ROBO2: variants seen among roughly 807,000 people sequenced by gnomAD.
ROBO2 encodes the protein roundabout guidance receptor 2, also known as roundabout homolog 2.
ROBO2 carries 53 observed loss-of-function variants against 160.8 expected under a neutral mutation model. That is an observed-to-expected ratio of 0.33 (90% CI 0.26 to 0.41). The LOEUF (loss-of-function observed/expected upper bound fraction) is 0.41, where lower values mean the gene tolerates loss of function less well. ROBO2 is among the 10% of genes least tolerant of loss of function. The pLI is 1.00. For synonymous variants in ROBO2, 664 were observed against 611.7 expected (o/e 1.09, Z -1.26); for missense variants, 1,577 against 1,722.4 (o/e 0.92, Z 1.49).
intron 2 of ROBO2, among the ~76,000 whole-genome samples, chr3:76,747,688 A>G (rs888370867): frequency 5.3e-5 from 8 of 152,086 alleles, no homozygotes; most frequent in Admixed American, 5.2e-4. Context: ...TAATTTTACT[A>G]TTAATGAGCT....
At chr3:76,079,083 A>G (rs1371653115) in intron 2 of ROBO2, among the ~76,000 whole-genome samples, 1 of 152,204 alleles carries the variant, frequency 6.6e-6, no homozygotes, top group Non-Finnish European at 1.5e-5. Flanking sequence ...TTTCACTCAT[A>G]TGTGGGAGCT....
At chr3:76,438,669 A>G (rs79704530) in intron 2 of ROBO2, among the ~76,000 whole-genome samples, 119 of 152,158 alleles carry the variant, frequency 7.8e-4, no homozygotes, top group African/African-American at 2.7e-3. Context: ...GTGTAATTAT[A>G]CTTGTAATTA....
chr3:76,631,637 A>T (rs958807462), intron 2 of ROBO2, among the ~76,000 whole-genome samples: 1 of 99,224 alleles, frequency 1.0e-5, no homozygotes, highest in African/African-American at 3.9e-5. Flanking sequence ...CATATTTTAA[A>T]AAGAAAATGG....
At chr3:76,144,791 C>G (rs1172390883) in intron 2 of ROBO2, among the ~76,000 whole-genome samples, 1 of 151,946 alleles carries the variant, frequency 6.6e-6, no homozygotes, top group African/African-American at 2.4e-5. Context: ...TAAAATTAGA[C>G]ACGAAATATT....
chr3:76,296,773 G>A (rs1264523514), intron 2 of ROBO2, among the ~76,000 whole-genome samples: 4 of 152,134 alleles, frequency 2.6e-5, no homozygotes, highest in African/African-American at 4.8e-5. Flanking sequence ...CTAACTTGCC[G>A]AATATTTGTG....
intron 2 of ROBO2, among the ~76,000 whole-genome samples, chr3:76,744,520 C>A (rs149020314): frequency 6.6e-6 from 1 of 151,902 alleles, no homozygotes; most frequent in Non-Finnish European, 1.5e-5. Flanking sequence ...CTACCATGAC[C>A]GGCTAATTTT....
At chr3:75,961,826 A>G (rs1478989989) in intron 2 of ROBO2, among the ~76,000 whole-genome samples, 1 of 151,678 alleles carries the variant, frequency 6.6e-6, no homozygotes, top group African/African-American at 2.4e-5. Context: ...TATTTAAGGT[A>G]TATTTCTGTG....
At chr3:76,385,540 G>A (rs2076841889) in intron 2 of ROBO2, among the ~76,000 whole-genome samples, 1 of 152,118 alleles carries the variant, frequency 6.6e-6, no homozygotes, top group African/African-American at 2.4e-5. Flanking sequence ...TCCAAGAATT[G>A]TGTGACTTGT....
intron 2 of ROBO2, among the ~76,000 whole-genome samples, chr3:76,206,018 AAG>A (rs1702784900): frequency 6.6e-6 from 1 of 152,130 alleles, no homozygotes; most frequent in South Asian, 2.1e-4. Flanking sequence ...TGTCAAAACA[AAG>A]AGAGAGAGGT....
intron 2 of ROBO2, among the ~76,000 whole-genome samples, chr3:76,714,231 C>T (rs1398798340): frequency 6.6e-6 from 1 of 152,052 alleles, no homozygotes; most frequent in African/African-American, 2.4e-5. Flanking sequence ...TAACCTTGAG[C>T]ATAATAAACT....
intron 2 of ROBO2, among the ~76,000 whole-genome samples, chr3:77,351,417 A>G (rs1423012666): frequency 1.3e-5 from 2 of 152,196 alleles, no homozygotes; most frequent in Non-Finnish European, 2.9e-5. Flanking sequence ...CATGACTTTT[A>G]TGTTGGGCAG....
chr3:76,060,970 C>T (rs934832389), intron 2 of ROBO2, among the ~76,000 whole-genome samples: 1 of 152,138 alleles, frequency 6.6e-6, no homozygotes, highest in African/African-American at 2.4e-5. Context: ...GAAGCATGTT[C>T]TTGCTACAGT....
At chr3:76,244,995 T>C (rs563446907) in intron 2 of ROBO2, among the ~76,000 whole-genome samples, 2 of 152,270 alleles carry the variant, frequency 1.3e-5, no homozygotes, top group South Asian at 2.1e-4. Flanking sequence ...TGTTTTGAAA[T>C]TGGCTTACAA....
At chr3:77,139,234 T>C (rs1330305948) in intron 2 of ROBO2, among the ~76,000 whole-genome samples, 1 of 152,118 alleles carries the variant, frequency 6.6e-6, no homozygotes, top group African/African-American at 2.4e-5. Context: ...TTAAAAAAAA[T>C]TGAAAAATTT....
intron 2 of ROBO2, among the ~76,000 whole-genome samples, chr3:77,172,326 C>T (rs138892715): frequency 3.3e-5 from 5 of 152,214 alleles, no homozygotes; most frequent in Non-Finnish European, 5.9e-5. Flanking sequence ...TTGGTTATCT[C>T]CTATCTGTGT....
chr3:77,512,285 CAA>C (rs2089490712), intron 5 of ROBO2, among the ~76,000 whole-genome samples: 1 of 151,856 alleles, frequency 6.6e-6, no homozygotes. Context: ...GTTGCCTGTG[CAA>C]AGATATTACT....
intron 1 of ROBO2, among the ~76,000 whole-genome samples, chr3:75,923,980 T>C (rs1448880869): frequency 6.6e-6 from 1 of 152,220 alleles, no homozygotes; most frequent in Non-Finnish European, 1.5e-5. Context: ...GGACATGAAA[T>C]TTATCTGGAA....
intron 2 of ROBO2, among the ~76,000 whole-genome samples, chr3:76,063,515 AT>A (rs113318539): frequency 0.022 from 3,109 of 142,000 alleles, 43 homozygotes; most frequent in East Asian, 0.084. Flanking sequence ...GACCAATTTT[AT>A]TTTTTTTTTT....
intron 2 of ROBO2, among the ~76,000 whole-genome samples, chr3:76,377,055 A>C (rs532078542): frequency 6.6e-6 from 1 of 152,276 alleles, no homozygotes; most frequent in Non-Finnish European, 1.5e-5. Flanking sequence ...GTCATCAACA[A>C]AGTAGGCCCG....
Sources: allele counts gnomAD v4.1 joint callset (sites outside exome capture counted in the v4.1 genomes callset), GRCh38; gene constraint gnomAD v4.1.1; transcripts MANE v1.5; gene names NCBI Gene and HGNC (gene_info 2026-07-23, HGNC 2026-07-21).